Variants in ELAPOR1 observed in about 807,000 individuals in gnomAD.
The protein encoded by ELAPOR1 is endosome-lysosome associated apoptosis and autophagy regulator 1.
Under a neutral mutation model 119.7 loss-of-function variants are expected in ELAPOR1, and 77 were observed. That is an observed-to-expected ratio of 0.64 (90% CI 0.54 to 0.78). ELAPOR1 has a LOEUF of 0.78. Among genes scored for constraint, ELAPOR1 ranks in the 30% least tolerant of loss-of-function variants. The probability of loss-of-function intolerance (pLI) is 0.00; values close to 1 mark genes in which losing one functional copy is unlikely to be tolerated. For synonymous variants in ELAPOR1, 481 were observed against 487.2 expected, an observed-to-expected ratio of 0.99 and a Z score of 0.17; for missense variants, 1,115 against 1,270.4, an observed-to-expected ratio of 0.88 and a Z score of 1.86.
Position 109,202,935 on chromosome 1 carries a change from CTCTT to C in ELAPOR1, c.2974-6_2974-3del. 6.2e-7 allele frequency: 1 copy of C among 1,614,024 alleles called. No individual in the cohort carries two copies. The highest frequency in any genetic ancestry group is 8.5e-7 in the Non-Finnish European group (1 of 1,179,958). On this transcript the variant is annotated splice_region_variant and splice_polypyrimidine_tract_variant and intron_variant, in intron 21 of 21. Transcript: ENST00000369939. Reference sequence around the variant, plus strand: ...CAGCAGCCAGCTCCTGTCACCATCTCTCTTTCAGAGGACTCCTGATGGATTTGAC... The same window carrying C: ...CAGCAGCCAGCTCCTGTCACCATCTCTCAGAGGACTCCTGATGGATTTGAC...
chr1:109,126,291 A>G (rs938874569), intron 1 of ELAPOR1, among the ~76,000 whole-genome samples: 4 of 152,192 alleles, frequency 2.6e-5, no homozygotes, highest in Non-Finnish European at 5.9e-5. Flanking sequence ...ACAGAAGGCC[A>G]GTGTGGCTGA....
At position 109,175,536 on chromosome 1, in the gene ELAPOR1, T is replaced by G. The variant is rs114087192; in HGVS notation, c.952+1699T>G. On this transcript the variant is annotated intron_variant, in intron 7 of 21. Coordinates refer to ENST00000369939, the MANE Select transcript of ELAPOR1 (RefSeq NM_020775.5). Reference sequence around the variant, plus strand: ...TTTTAAATGAAACATTATATAAGATTATAATATAGGCCAGGGGTGGTGGCT... The same window carrying G: ...TTTTAAATGAAACATTATATAAGATGATAATATAGGCCAGGGGTGGTGGCT... Among the ~76,000 whole-genome samples, 907 of 149,894 alleles carry G rather than the reference T, an allele frequency of 6.1e-3. 9 individuals are homozygous for G. The highest frequency in any genetic ancestry group is 0.021 in the African/African-American group (862 of 41,034).
chr1:109,127,628 G>A (rs918426418), intron 1 of ELAPOR1, among the ~76,000 whole-genome samples: 6 of 152,066 alleles, frequency 3.9e-5, no homozygotes, highest in East Asian at 1.9e-4. Flanking sequence ...GTGCCGTGGC[G>A]TGATCACTGT....
rs1652071505 is a variant in ELAPOR1 at position 109,173,755 on chromosome 1, T to C, written c.870T>C (p.Ser290=). 1 of 1,614,182 alleles carries C rather than the reference T, an allele frequency of 6.2e-7. No homozygotes were observed. The highest frequency in any genetic ancestry group is 8.5e-7 in the Non-Finnish European group (1 of 1,180,024). The change falls in exon 7 of 22, where the codon TCT becomes TCC. Residue 290 remains serine, a synonymous_variant. Transcript: ENST00000369939. ...PGTYADKQGS[S]FCKLCPANSY... Reference sequence around the variant, plus strand: ...CGTATGCAGACAAGCAGGGCTCCTCTTTCTGCAAACTTTGCCCAGCCAACT... The same window carrying C: ...CGTATGCAGACAAGCAGGGCTCCTCCTTCTGCAAACTTTGCCCAGCCAACT...
At chr1:109,116,360 G>T (rs1035052898) in intron 1 of ELAPOR1, among the ~76,000 whole-genome samples, 1 of 152,134 alleles carries the variant, frequency 6.6e-6, no homozygotes, top group Non-Finnish European at 1.5e-5. Flanking sequence ...TATTGAAATA[G>T]AAAATACATT....
intron 2 of ELAPOR1, among the ~76,000 whole-genome samples, chr1:109,163,694 T>C (rs774033391): frequency 1.3e-5 from 2 of 152,160 alleles, no homozygotes; most frequent in Non-Finnish European, 2.9e-5. Flanking sequence ...CCACTGTGCC[T>C]GATCACATCT....
rs1170919766 is a variant in ELAPOR1 at position 109,192,811 on chromosome 1, A to G, written c.1884A>G (p.Lys628=). 1 of 1,613,940 alleles carries G rather than the reference A, an allele frequency of 6.2e-7. No individual in the cohort carries two copies. The highest frequency in any genetic ancestry group is 2.2e-5 in the East Asian group (1 of 44,882). Reference sequence around the variant, plus strand: ...CCTGCCCCACTAACACAATTCTGAAAGCCCACCAGCCTTATGGTGTCCAGG... The same window carrying G: ...CCTGCCCCACTAACACAATTCTGAAGGCCCACCAGCCTTATGGTGTCCAGG... The part of the protein sequence containing the change: ...CHSCPTNTIL[K]AHQPYGVQAC... Residue 628 remains lysine, a synonymous_variant, in exon 14 of 22, where the codon AAA becomes AAG. Coordinates refer to ENST00000369939, the MANE Select transcript of ELAPOR1 (RefSeq NM_020775.5).
In ELAPOR1 at chr1:109,205,332, A is replaced by G. The variant is rs1329244767; in HGVS notation, c.*2320A>G. ...ATTTGCAAGTGACTAGTCTGCCACA[A>G]AATGCTCATCTGATTAGCCACTGCT... is the stretch of plus-strand genomic sequence containing the variant. On this transcript the variant is annotated 3_prime_UTR_variant, in exon 22 of 22. Coordinates refer to ENST00000369939, the MANE Select transcript of ELAPOR1 (RefSeq NM_020775.5). The G allele has an allele frequency of 6.6e-6, 1 of 152,206 alleles. No homozygotes were observed. Among genetic ancestry groups the G allele is most frequent in the East Asian group, 1.9e-4 (1 of 5,206 alleles). 9.4% of individuals were successfully genotyped at this position (152,206 alleles called of 1,614,324 possible). A position where few individuals can be genotyped will look rare whatever the true frequency, so the allele number is the denominator to read the frequency against.
At position 109,203,140 on chromosome 1, in the gene ELAPOR1, T is replaced by C; in HGVS notation, c.*128T>C. Reference sequence around the variant, plus strand: ...TCTTCATTGTGGCCTTATCAGATGTTTGAATTTCAGATCTTTTTTTATAGA... The same window carrying C: ...TCTTCATTGTGGCCTTATCAGATGTCTGAATTTCAGATCTTTTTTTATAGA... On this transcript the variant is annotated 3_prime_UTR_variant, in exon 22 of 22. Coordinates refer to ENST00000369939, the MANE Select transcript of ELAPOR1 (RefSeq NM_020775.5). The C allele has an allele frequency of 1.5e-6, 1 of 649,082 alleles. No homozygotes were observed. The highest frequency in any genetic ancestry group is 2.7e-6 in the Non-Finnish European group (1 of 369,420). 40.2% of individuals were successfully genotyped at this position (649,082 alleles called of 1,614,324 possible).
chr1:109,119,940 A>G (rs1222738224), intron 1 of ELAPOR1, among the ~76,000 whole-genome samples: 1 of 152,086 alleles, frequency 6.6e-6, no homozygotes, highest in African/African-American at 2.4e-5. Context: ...TTCTTCAGTG[A>G]CTCCAGAGAT....
intron 3 of ELAPOR1, among the ~76,000 whole-genome samples, chr1:109,165,700 A>G (rs536301916): frequency 1.3e-5 from 2 of 151,826 alleles, no homozygotes; most frequent in Non-Finnish European, 2.9e-5. Flanking sequence ...CACAATATGC[A>G]AAGCTTGGGT....
intron 1 of ELAPOR1, among the ~76,000 whole-genome samples, chr1:109,138,477 G>A (rs147338769): frequency 0.018 from 2,788 of 152,070 alleles, 34 homozygotes; most frequent in Non-Finnish European, 0.029. Flanking sequence ...TATATCACAG[G>A]TGTGTCCACA....
Position 109,197,689 on chromosome 1 carries a change from G to GAGAGAGTGTGTA in ELAPOR1, c.2302+35_2302+36insAGAGAGTGTGTA, listed in dbSNP as rs769803348. 9.2e-5 allele frequency: 56 copies of GAGAGAGTGTGTA among 607,892 alleles called. No individual in the cohort carries two copies. The East Asian group carries it at 3.0e-3, about 33-fold the overall frequency. The allele number at this position is 607,892 out of a possible 1,614,324, so 37.7% of individuals were successfully genotyped here. ...TCCGCTGCCTCAGCCTTGTTTGAGA[G>GAGAGAGTGTGTA]TGTGTGTGTGTGTGTGTGTGTGTGT... On this transcript the variant is annotated intron_variant, in intron 16 of 21. Coordinates refer to ENST00000369939, the MANE Select transcript of ELAPOR1 (RefSeq NM_020775.5).
At chr1:109,149,277 C>A (rs1650379598) in intron 1 of ELAPOR1, among the ~76,000 whole-genome samples, 1 of 151,998 alleles carries the variant, frequency 6.6e-6, no homozygotes, top group African/African-American at 2.4e-5. Flanking sequence ...CCCTCATAAA[C>A]CCTCTTCAGG....
At chr1:109,142,980 C>T (rs769991773) in intron 1 of ELAPOR1, among the ~76,000 whole-genome samples, 14 of 150,912 alleles carry the variant, frequency 9.3e-5, no homozygotes, top group Non-Finnish European at 1.5e-4. Context: ...GAAGCAGTCT[C>T]GCTCTGTCGC....
At chr1:109,166,897 C>G (rs994541541) in intron 3 of ELAPOR1, among the ~76,000 whole-genome samples, 13 of 152,214 alleles carry the variant, frequency 8.5e-5, no homozygotes, top group African/African-American at 3.1e-4. Flanking sequence ...TTGTATTACA[C>G]TTGGATTTCT....
In ELAPOR1 at chr1:109,192,847, C is replaced by T. The variant is rs766937498; in HGVS notation, c.1920C>T (p.Pro640=). The T allele has an allele frequency of 9.9e-5, 159 of 1,613,934 alleles. No individual in the cohort carries two copies. Among genetic ancestry groups the T allele is most frequent in the Non-Finnish European group, 1.2e-4 (143 of 1,180,018 alleles). ...HQPYGVQACV[P]CGPGTKNNKI... ...CTTATGGTGTCCAGGCCTGTGTGCC[C>T]TGTGGTCCAGGGACCAAGAACAACA... The change falls in exon 14 of 22, where the codon CCC becomes CCT. Residue 640 remains proline (P), a synonymous_variant. Transcript: ENST00000369939.
rs1570741127 is a variant in ELAPOR1 at position 109,203,054 on chromosome 1, A to C, written c.*42A>C. 7.1e-7 allele frequency: 1 copy of C among 1,414,372 alleles called. No homozygotes were observed. Among genetic ancestry groups the C allele is most frequent in the East Asian group, 2.3e-5 (1 of 43,426 alleles). 87.6% of individuals were successfully genotyped at this position (1,414,372 alleles called of 1,614,324 possible). A position where few individuals can be genotyped will look rare whatever the true frequency, so the allele number is the denominator to read the frequency against. On this transcript the variant is annotated 3_prime_UTR_variant, in exon 22 of 22. Transcript: ENST00000369939. Reference sequence around the variant, plus strand: ...CACCTGCCTCCTCACCTTGCATAGCACCTTTGCAAGCCTGCGGCGATTTGG... The same window carrying C: ...CACCTGCCTCCTCACCTTGCATAGCCCCTTTGCAAGCCTGCGGCGATTTGG...
chr1:109,203,675 G>C lies in ELAPOR1; in HGVS notation c.*663G>C, dbSNP rs1342165943. On this transcript the variant is annotated 3_prime_UTR_variant, in exon 22 of 22. Transcript: ENST00000369939. ...GCAGATCATGAGGTCGGGAGATTGA[G>C]ACCATCCTGGCTAACACGGTGAAAC... 6.6e-6 allele frequency: 1 copy of C among 152,200 alleles called. No individual in the cohort carries two copies. The highest frequency in any genetic ancestry group is 1.5e-5 in the Non-Finnish European group (1 of 68,096). The allele number at this position is 152,200 out of a possible 1,614,324, so 9.4% of individuals were successfully genotyped here.
Sources: gnomAD v4.1 joint callset for allele counts (sites outside exome capture counted in the v4.1 genomes callset) on GRCh38, gnomAD v4.1.1 for gene constraint, MANE v1.5 for transcripts, NCBI Gene and HGNC (gene_info 2026-07-23, HGNC 2026-07-21) for gene names.